Variants in CRACR2B observed in about 807,000 individuals in gnomAD.
The protein encoded by CRACR2B is calcium release activated channel regulator 2B, also known as EF-hand calcium-binding domain-containing protein 4A.
CRACR2B carries 50 observed loss-of-function variants against 46.0 expected under a neutral mutation model. The ratio of observed to expected loss-of-function variants is 1.09; its 90% confidence interval spans 0.87 to 1.38. The LOEUF is 1.38. Among genes scored for constraint, CRACR2B ranks in the 40% most tolerant of loss-of-function variants. CRACR2B has a pLI of 0.00. For missense variants in CRACR2B, 667 were observed against 535.0 expected, an observed-to-expected ratio of 1.25 and a Z score of -2.43; for synonymous variants, 277 against 239.6, an observed-to-expected ratio of 1.16 and a Z score of -1.44.
At chr11:829,026 C>T in intron 2 of CRACR2B, 63 bp downstream of exon 2, 1 of 1,578,436 alleles carries the variant, frequency 6.3e-7, no homozygotes, top group African/African-American at 1.3e-5. Context: ...GGAGGCCTGG[C>T]ACTTGTGGCG....
intron 3 of CRACR2B, 41 bp from the exon 4 acceptor site, chr11:829,945 G>A (rs1846253975): frequency 1.3e-6 from 2 of 1,537,650 alleles, no homozygotes; most frequent in African/African-American, 1.4e-5. Context: ...CCTGCTTCCC[G>A]CTTCTGCCAG....
upstream of CRACR2B, chr11:827,341 G>C (rs1436800978): frequency 1.3e-5 from 2 of 156,120 alleles, no homozygotes; most frequent in Admixed American, 1.3e-4. Flanking sequence ...TGGTCCCGCC[G>C]CTGAGGCCCC....
At chr11:827,003 C>T (rs1490286492), upstream of CRACR2B, among the ~76,000 whole-genome samples, 1 of 152,126 alleles carries the variant, frequency 6.6e-6, no homozygotes, top group Non-Finnish European at 1.5e-5. Flanking sequence ...TGTCTGCGCC[C>T]GCCCCCCGCA....
intron 3 of CRACR2B, chr11:829,784 G>C (rs1590194911): frequency 1.8e-6 from 2 of 1,134,196 alleles, no homozygotes; most frequent in East Asian, 5.4e-5. Context: ...GCCACATACC[G>C]GCACTGCCCA....
At chr11:830,203 C>T (rs1172617220) in intron 4 of CRACR2B, 47 bp from the exon 5 acceptor site, 2 of 1,494,454 alleles carry the variant, frequency 1.3e-6, no homozygotes, top group Non-Finnish European at 1.8e-6. Context: ...TGCCAGGGGG[C>T]TGTAGCGCTG....
intron 8 of CRACR2B, 52 bp downstream of exon 8, chr11:831,347 C>T (rs1446118657): frequency 4.5e-6 from 7 of 1,554,156 alleles, no homozygotes; most frequent in African/African-American, 1.4e-5. Context: ...AGCTTGGGGG[C>T]TCCCAGCTCC....
intron 2 of CRACR2B, 100 bp downstream of exon 2, chr11:829,063 C>T (rs1490310242): frequency 4.1e-6 from 6 of 1,466,624 alleles, no homozygotes; most frequent in Non-Finnish European, 5.6e-6. Flanking sequence ...TGCCTCTCGT[C>T]CTCCTCCCTC....
rs1565108708 is a variant in CRACR2B at position 831,039 on chromosome 11, T to A, written c.953+7T>A. The A allele has an allele frequency of 6.5e-7, 1 of 1,535,434 alleles. No homozygotes were observed. The highest frequency in any genetic ancestry group is 1.2e-5 in the South Asian group (1 of 84,016). ...GCCAGGAGCAAACCCAACGGTGCCG[T>A]GGGACGGGGCTGGGCGGGCCCCGGT... On this transcript the variant is annotated splice_region_variant and intron_variant, in intron 7 of 8. Coordinates refer to ENST00000525077, the MANE Select transcript of CRACR2B (RefSeq NM_001286606.2).
chr11:827,612 GC>G (rs1846002181), upstream of CRACR2B: 1 of 919,136 alleles, frequency 1.1e-6, no homozygotes, highest in Non-Finnish European at 1.3e-6. Flanking sequence ...CGGAGGGCGG[GC>G]GAGACAACAA....
rs1214077126 is a variant in CRACR2B at position 828,034 on chromosome 11, G to A, written c.-574G>A. ...GCCCCTGCACTCTGTGGGCTCAGTTGTGGGGAGGGAGGGGCCGGTGGGCAG... is the reference window on the plus strand; with the variant it reads ...GCCCCTGCACTCTGTGGGCTCAGTTATGGGGAGGGAGGGGCCGGTGGGCAG... On this transcript the variant is annotated 5_prime_UTR_variant, in exon 1 of 9. It adds an upstream start codon to the 5' untranslated region. Transcript: ENST00000525077. 6.6e-6 allele frequency among the ~76,000 whole-genome samples: 1 copy of A among 152,136 alleles called. No individual in the cohort carries two copies. The highest frequency in any genetic ancestry group is 2.4e-5 in the African/African-American group (1 of 41,410).
chr11:829,385 C>T lies in CRACR2B; in HGVS notation c.303C>T (p.Ala101=), dbSNP rs1235757859. Residue 101 remains alanine, a synonymous_variant, in exon 3 of 9, where the codon GCC becomes GCT. Transcript: ENST00000525077. ...GLGMFVGVAS[A]QGANPCRTPE... ...GGATGTTTGTGGGGGTGGCGTCAGCCCAGGGAGCGAACCCCTGCAGGACTC... is the reference window on the plus strand; with the variant it reads ...GGATGTTTGTGGGGGTGGCGTCAGCTCAGGGAGCGAACCCCTGCAGGACTC... 3 of 1,609,936 alleles carry T rather than the reference C, an allele frequency of 1.9e-6. No homozygotes were observed. The highest frequency in any genetic ancestry group is 1.7e-5 in the Admixed American group (1 of 59,102).
upstream of CRACR2B, chr11:827,575 G>C (rs140868413): frequency 0.016 from 15,699 of 983,354 alleles, 154 homozygotes; most frequent in South Asian, 0.029. Context: ...TTCCGGCTGG[G>C]GTGGACCTCA....
At chr11:827,034 G>A (rs1845947457), upstream of CRACR2B, among the ~76,000 whole-genome samples, 1 of 152,204 alleles carries the variant, frequency 6.6e-6, no homozygotes, top group South Asian at 2.1e-4. Context: ...TGCTCCGGGG[G>A]GTCCCTGGGT....
intron 1 of CRACR2B, 21 bp downstream of exon 1, chr11:828,793 G>T: frequency 6.2e-7 from 1 of 1,612,646 alleles, no homozygotes; most frequent in Non-Finnish European, 8.5e-7. Flanking sequence ...CACCCCAAGA[G>T]ACTGCTTCGG....
upstream of CRACR2B, among the ~76,000 whole-genome samples, chr11:826,441 T>A (rs774259724): frequency 7.1e-4 from 108 of 152,240 alleles, no homozygotes; most frequent in Non-Finnish European, 1.3e-3. Flanking sequence ...CAGGAGGGGC[T>A]ACTGAGGTGG....
At position 828,746 on chromosome 11, in the gene CRACR2B, G is replaced by A. The variant is rs773218431; in HGVS notation, c.139G>A (p.Gly47Ser). The change falls in exon 1 of 9, where the codon GGC (glycine) becomes AGC (serine). Residue 47 changes from glycine to serine, a missense_variant. Transcript: ENST00000525077. ...LFLLCDKEAKGFITKHDLQGL... is the reference protein window; with the variant it reads ...LFLLCDKEAKSFITKHDLQGL... ...TCTGCTGTGTGACAAGGAGGCTAAG[G>A]GCTTCATCACCAAGCACGACCTGCA... The A allele has an allele frequency of 3.1e-6, 5 of 1,613,624 alleles. No individual in the cohort carries two copies. Among genetic ancestry groups the A allele is most frequent in the Non-Finnish European group, 2.5e-6 (3 of 1,179,928 alleles).
In CRACR2B at chr11:831,533, A is replaced by G; in HGVS notation, c.1026-2A>G. On this transcript the variant is annotated splice_acceptor_variant, in intron 8 of 8. Transcript: ENST00000525077. LOFTEE classifies it high-confidence loss of function. Reference sequence around the variant, plus strand: ...CTCAGTGTCGGACTCCTCCTTCCCTAGGGAGCTGAATACACGGCTGCGGGA... The same window carrying G: ...CTCAGTGTCGGACTCCTCCTTCCCTGGGGAGCTGAATACACGGCTGCGGGA... 1.3e-6 allele frequency: 2 copies of G among 1,585,696 alleles called. No individual in the cohort carries two copies. The highest frequency in any genetic ancestry group is 1.9e-5 in the Admixed American group (1 of 52,834).
At position 828,864 on chromosome 11, in the gene CRACR2B, G is replaced by T. The variant is rs202043008; in HGVS notation, c.178G>T (p.Asp60Tyr). 2 of 1,610,750 alleles carry T rather than the reference G, an allele frequency of 1.2e-6. No individual in the cohort carries two copies. The highest frequency in any genetic ancestry group is 1.7e-5 in the Admixed American group (1 of 59,892). Residue 60 changes from aspartate (D) to tyrosine (Y), a missense_variant, in exon 2 of 9, where the codon GAC becomes TAC. By Grantham distance (160) the Asp-to-Tyr change is radical. Coordinates refer to ENST00000525077, the MANE Select transcript of CRACR2B (RefSeq NM_001286606.2). ...CTTCCCCGACCAGGGTCTCCAGAGC[G>T]ACCTGCCCCTCACGCCAGAGCAGCT... ...TKHDLQGLQS[D>Y]LPLTPEQLEA...
chr11:831,338 G>C (rs371422124), intron 8 of CRACR2B, 43 bp downstream of exon 8: 1 of 1,565,522 alleles, frequency 6.4e-7, no homozygotes, highest in Non-Finnish European at 8.6e-7. Flanking sequence ...GCTCAGCGGA[G>C]CTTGGGGGCT....
Sources: gnomAD v4.1 joint callset for allele counts (sites outside exome capture counted in the v4.1 genomes callset) on GRCh38, gnomAD v4.1.1 for gene constraint, MANE v1.5 for transcripts, NCBI Gene and HGNC (gene_info 2026-07-23, HGNC 2026-07-21) for gene names.